Variants in ST6GALNAC3 observed in about 807,000 individuals in gnomAD.
ST6GALNAC3 encodes the protein alpha-N-acetylgalactosaminide alpha-2,6-sialyltransferase 3.
A neutral mutation model predicts 32.7 loss-of-function variants in ST6GALNAC3; 25 were observed. The observed-to-expected ratio is 0.76, with a 90% CI of 0.56 to 1.07. The LOEUF (loss-of-function observed/expected upper bound fraction) is 1.07. Among genes scored for constraint, ST6GALNAC3 ranks in the 50% least tolerant of loss-of-function variants. The pLI is 0.00. For synonymous variants in ST6GALNAC3, 129 were observed against 133.1 expected (o/e 0.97, Z 0.21); for missense variants, 355 against 382.4 (o/e 0.93, Z 0.60).
At chr1:76,607,489 A>G (rs1341766093) in intron 3 of ST6GALNAC3, among the ~76,000 whole-genome samples, 1 of 152,158 alleles carries the variant, frequency 6.6e-6, no homozygotes, top group Non-Finnish European at 1.5e-5. Flanking sequence ...TAGGGAGCCC[A>G]TCCACTAGGC....
chr1:76,363,816 A>G (rs1260925748), intron 2 of ST6GALNAC3, among the ~76,000 whole-genome samples: 1 of 152,164 alleles, frequency 6.6e-6, no homozygotes, highest in African/African-American at 2.4e-5. Context: ...TGAAGCAGGA[A>G]GAAGAGAGAG....
chr1:76,266,349 T>A (rs1658525229), intron 1 of ST6GALNAC3, among the ~76,000 whole-genome samples: 1 of 152,076 alleles, frequency 6.6e-6, no homozygotes, highest in Admixed American at 6.6e-5. Flanking sequence ...TACTTCCAAG[T>A]CTTTACTGCC....
chr1:76,340,674 A>C (rs150205234), intron 2 of ST6GALNAC3, among the ~76,000 whole-genome samples: 3 of 152,332 alleles, frequency 2.0e-5, no homozygotes, highest in African/African-American at 7.2e-5. Flanking sequence ...TAGTTTTTAC[A>C]AAAGGCTGAG....
At chr1:76,260,266 C>A (rs1424314500) in intron 1 of ST6GALNAC3, among the ~76,000 whole-genome samples, 1 of 152,174 alleles carries the variant, frequency 6.6e-6, no homozygotes, top group African/African-American at 2.4e-5. Context: ...AAATCAAATG[C>A]CATTTATTCA....
intron 3 of ST6GALNAC3, among the ~76,000 whole-genome samples, chr1:76,538,327 T>C (rs1350691692): frequency 6.6e-6 from 1 of 152,206 alleles, no homozygotes; most frequent in Non-Finnish European, 1.5e-5. Context: ...CATGACTTCA[T>C]GTTAAAAACT....
At chr1:76,611,109 T>G (rs1319997075) in intron 3 of ST6GALNAC3, among the ~76,000 whole-genome samples, 2 of 152,082 alleles carry the variant, frequency 1.3e-5, no homozygotes, top group Non-Finnish European at 2.9e-5. Context: ...CCTTAGGCAC[T>G]AAATGTGTCT....
Position 76,392,820 on chromosome 1 carries a change from C to G in ST6GALNAC3, c.214-19188C>G, listed in dbSNP as rs555981314. Among the ~76,000 whole-genome samples, 6 of 152,326 alleles carry G rather than the reference C, an allele frequency of 3.9e-5. 1 individual carries two copies. Among genetic ancestry groups the G allele is most frequent in the African/African-American group, 1.4e-4 (6 of 41,582 alleles). ...AAAACTCAGCTTGGGAAGTTATAGG[C>G]TACACTGCATTTAACTTGCAACTGG... On this transcript the variant is annotated intron_variant, in intron 2 of 4. Coordinates refer to ENST00000328299, the MANE Select transcript of ST6GALNAC3 (RefSeq NM_152996.4).
Position 76,430,435 on chromosome 1 carries a change from CA to C in ST6GALNAC3, c.623+18020del, listed in dbSNP as rs569692605. On this transcript the variant is annotated intron_variant, in intron 3 of 4. Coordinates refer to ENST00000328299, the MANE Select transcript of ST6GALNAC3 (RefSeq NM_152996.4). ...TAGTCCCTACAGTTGTTCTCTGGCC[CA>C]ACCACATGGGTCTGCTCGTTATCTC... Among the ~76,000 whole-genome samples, 39 of 152,292 alleles carry C rather than the reference CA, an allele frequency of 2.6e-4. No homozygotes were observed. The East Asian group carries it at 7.3e-3, about 29-fold the overall frequency.
chr1:76,242,056 A>C (rs1369898907), intron 1 of ST6GALNAC3, among the ~76,000 whole-genome samples: 1 of 152,216 alleles, frequency 6.6e-6, no homozygotes, highest in Non-Finnish European at 1.5e-5. Flanking sequence ...AAAATCATAT[A>C]TGCATAGTGC....
chr1:76,136,086 T>C (rs1212649764), intron 1 of ST6GALNAC3, among the ~76,000 whole-genome samples: 4 of 152,140 alleles, frequency 2.6e-5, no homozygotes, highest in Non-Finnish European at 5.9e-5. Flanking sequence ...TCTAACAGGC[T>C]CACAGCAGAA....
At chr1:76,230,140 A>T (rs1023031701) in intron 1 of ST6GALNAC3, among the ~76,000 whole-genome samples, 5 of 152,176 alleles carry the variant, frequency 3.3e-5, no homozygotes, top group Non-Finnish European at 7.3e-5. Context: ...ACAAAGCCAA[A>T]TTATTTCTTT....
intron 2 of ST6GALNAC3, among the ~76,000 whole-genome samples, chr1:76,328,798 G>A (rs1647130337): frequency 6.6e-6 from 1 of 152,158 alleles, no homozygotes; most frequent in African/African-American, 2.4e-5. Context: ...TAAAGTTTTA[G>A]GTGCTGAGCT....
intron 1 of ST6GALNAC3, among the ~76,000 whole-genome samples, chr1:76,247,166 C>T (rs1279344235): frequency 6.6e-6 from 1 of 152,212 alleles, no homozygotes; most frequent in Non-Finnish European, 1.5e-5. Context: ...TTACTCCTTC[C>T]TCTGGAAGCT....
intron 1 of ST6GALNAC3, among the ~76,000 whole-genome samples, chr1:76,131,293 T>G (rs1345689103): frequency 6.6e-6 from 1 of 152,224 alleles, no homozygotes; most frequent in East Asian, 1.9e-4. Flanking sequence ...CCACTTGTTC[T>G]TCAGTGGGAT....
At chr1:76,525,794 T>TATATATATATATATATAC (rs1662855987) in intron 3 of ST6GALNAC3, among the ~76,000 whole-genome samples, 1 of 41,450 alleles carries the variant, frequency 2.4e-5, no homozygotes, top group Non-Finnish European at 4.1e-5. Flanking sequence ...TGTGTGTGTA[T>TATATATATATATATATAC]ATATATATAT....
intron 3 of ST6GALNAC3, among the ~76,000 whole-genome samples, chr1:76,588,527 C>G (rs573227753): frequency 4.6e-5 from 7 of 152,162 alleles, no homozygotes; most frequent in African/African-American, 1.2e-4. Flanking sequence ...TAAATCAGTG[C>G]GTGTGCTAAT....
At chr1:76,274,267 A>T (rs188237883) in intron 1 of ST6GALNAC3, among the ~76,000 whole-genome samples, 1 of 152,308 alleles carries the variant, frequency 6.6e-6, no homozygotes, top group East Asian at 1.9e-4. Context: ...TTTCCATCAC[A>T]TCTTAAATTT....
intron 1 of ST6GALNAC3, among the ~76,000 whole-genome samples, chr1:76,227,016 A>C (rs3011990): frequency 0.29 from 43,382 of 152,086 alleles, 7,717 homozygotes; most frequent in African/African-American, 0.5. Context: ...CACAAGAATA[A>C]AGGTTTTTGT....
At chr1:76,520,598 A>G (rs1226688126) in intron 3 of ST6GALNAC3, among the ~76,000 whole-genome samples, 1 of 152,056 alleles carries the variant, frequency 6.6e-6, no homozygotes, top group Admixed American at 6.5e-5. Flanking sequence ...ATCTGGAAAA[A>G]ATTACTTACT....
Sources: gnomAD v4.1 joint callset for allele counts (sites outside exome capture counted in the v4.1 genomes callset) on GRCh38, gnomAD v4.1.1 for gene constraint, MANE v1.5 for transcripts, NCBI Gene and HGNC (gene_info 2026-07-23, HGNC 2026-07-21) for gene names.